The following KAZN variants were observed in gnomAD, a reference collection of about 807,000 sequenced individuals.
KAZN encodes the protein kazrin, periplakin interacting protein, also known as kazrin.
In KAZN, 40 loss-of-function variants were observed where a neutral mutation model predicts 87.4. The ratio of observed to expected loss-of-function variants is 0.46; its 90% CI spans 0.36 to 0.60. The LOEUF (loss-of-function observed/expected upper bound fraction) is 0.60. Ranked by LOEUF, KAZN falls within the 20% of genes least tolerant of loss-of-function variation. KAZN has a pLI of 0.00. For missense variants in KAZN, 898 were observed against 1,073.9 expected (o/e 0.84, Z 2.29); for synonymous variants, 466 against 458.3 (o/e 1.02, Z -0.22).
rs142178974 is a variant in KAZN at position 14,487,906 on chromosome 1, C to T, written c.250-111077C>T. On this transcript the variant is annotated intron_variant, in intron 2 of 16. Transcript: ENST00000636203. Reference sequence around the variant, plus strand: ...TCCAGAAGGAATGGGAGGCTTGGAACGGAGCAGTGATTCAGTTGGGATGTG... The same window carrying T: ...TCCAGAAGGAATGGGAGGCTTGGAATGGAGCAGTGATTCAGTTGGGATGTG... 5.3e-5 allele frequency among the ~76,000 whole-genome samples: 8 copies of T among 152,262 alleles called. No homozygotes were observed. In the East Asian group the frequency reaches 5.8e-4, roughly 11 times the overall value.
chr1:14,545,609 A>G (rs1023370478), intron 2 of KAZN, among the ~76,000 whole-genome samples: 4 of 152,216 alleles, frequency 2.6e-5, no homozygotes, highest in Non-Finnish European at 5.9e-5. Flanking sequence ...ATAAGCATGT[A>G]TCTGTCCGTA....
Position 14,457,699 on chromosome 1 carries a change from C to T in KAZN, c.250-141284C>T, listed in dbSNP as rs149397084. On this transcript the variant is annotated intron_variant, in intron 2 of 16. Transcript: ENST00000636203. Reference sequence around the variant, plus strand: ...TATAGATTAAGGAGGATTGTTATCACTATAAGATTAGTTCGGCCCAGCTAA... The same window carrying T: ...TATAGATTAAGGAGGATTGTTATCATTATAAGATTAGTTCGGCCCAGCTAA... Among the ~76,000 whole-genome samples the T allele has an allele frequency of 1.9e-3, 294 of 152,224 alleles. 1 individual carries two copies. Among genetic ancestry groups the T allele is most frequent in the African/African-American group, 6.4e-3 (266 of 41,540 alleles).
At chr1:14,258,932 C>T (rs1488922974) in intron 2 of KAZN, among the ~76,000 whole-genome samples, 1 of 152,102 alleles carries the variant, frequency 6.6e-6, no homozygotes, top group Non-Finnish European at 1.5e-5. Flanking sequence ...TTTGCAAAGT[C>T]CAAACAAAAG....
chr1:14,740,859 T>C (rs1644074532), intron 1 of KAZN, among the ~76,000 whole-genome samples: 1 of 152,192 alleles, frequency 6.6e-6, no homozygotes, highest in Non-Finnish European at 1.5e-5. Context: ...TTACTAACTG[T>C]AGGAATAACA....
intron 1 of KAZN, among the ~76,000 whole-genome samples, chr1:13,981,570 A>T (rs1638711366): frequency 6.6e-6 from 1 of 152,144 alleles, no homozygotes; most frequent in Admixed American, 6.5e-5. Flanking sequence ...TCCTGCAATT[A>T]CAGAGCTCTG....
intron 1 of KAZN, among the ~76,000 whole-genome samples, chr1:14,814,491 G>A (rs926281068): frequency 2.0e-5 from 3 of 152,226 alleles, no homozygotes; most frequent in African/African-American, 7.2e-5. Flanking sequence ...TGGGATTGCA[G>A]GCGTGAGCCA....
chr1:14,986,566 G>A (rs922115123), intron 2 of KAZN, among the ~76,000 whole-genome samples: 3 of 152,188 alleles, frequency 2.0e-5, no homozygotes, highest in South Asian at 2.1e-4. Context: ...CCTGAGCCAG[G>A]GCTGTGAAAG....
At chr1:13,999,150 C>T (rs1340793107) in intron 1 of KAZN, among the ~76,000 whole-genome samples, 2 of 152,094 alleles carry the variant, frequency 1.3e-5, no homozygotes, top group Non-Finnish European at 2.9e-5. Flanking sequence ...GAGTTTGAGA[C>T]CAGCCTGGCC....
At chr1:14,633,942 A>G (rs1284222597) in intron 1 of KAZN, among the ~76,000 whole-genome samples, 1 of 152,022 alleles carries the variant, frequency 6.6e-6, no homozygotes, top group East Asian at 1.9e-4. Flanking sequence ...AAATACCACA[A>G]TTGCTTACAA....
chr1:15,074,241 C>T (rs954932984), intron 8 of KAZN, among the ~76,000 whole-genome samples: 1 of 152,232 alleles, frequency 6.6e-6, no homozygotes, highest in African/African-American at 2.4e-5. Flanking sequence ...TTGGAGGGTC[C>T]CTCCCTGCCA....
chr1:14,964,763 A>G (rs543418921), intron 2 of KAZN, among the ~76,000 whole-genome samples: 1 of 152,340 alleles, frequency 6.6e-6, no homozygotes, highest in East Asian at 1.9e-4. Flanking sequence ...TCTCTCTCCA[A>G]CTAACTGCCC....
intron 1 of KAZN, among the ~76,000 whole-genome samples, chr1:14,011,690 C>G (rs1207549733): frequency 1.3e-5 from 2 of 152,112 alleles, no homozygotes; most frequent in Non-Finnish European, 2.9e-5. Context: ...GCTCTGTGAC[C>G]TTGGGCAAGT....
chr1:14,918,532 C>T (rs963039312), intron 1 of KAZN, among the ~76,000 whole-genome samples: 57 of 151,496 alleles, frequency 3.8e-4, no homozygotes, highest in Non-Finnish European at 5.2e-4. Context: ...AAAAATTAGC[C>T]GGACGTGGTA....
chr1:14,445,375 CG>C (rs1470204995), intron 2 of KAZN, among the ~76,000 whole-genome samples: 1 of 152,092 alleles, frequency 6.6e-6, no homozygotes, highest in Non-Finnish European at 1.5e-5. Context: ...CACATATGCT[CG>C]GGGAGATCAG....
At chr1:14,451,878 TG>T (rs1202520532) in intron 2 of KAZN, among the ~76,000 whole-genome samples, 1 of 152,198 alleles carries the variant, frequency 6.6e-6, no homozygotes, top group African/African-American at 2.4e-5. Flanking sequence ...TCAGCCTTTT[TG>T]TTCTGTTCAG....
intron 1 of KAZN, among the ~76,000 whole-genome samples, chr1:14,150,158 A>T (rs1456584548): frequency 6.6e-6 from 1 of 152,194 alleles, no homozygotes; most frequent in Admixed American, 6.5e-5. Context: ...GAGACGAAGG[A>T]CTTGCCAAAG....
At chr1:14,641,509 C>T (rs1680404079) in intron 1 of KAZN, among the ~76,000 whole-genome samples, 1 of 152,180 alleles carries the variant, frequency 6.6e-6, no homozygotes, top group African/African-American at 2.4e-5. Context: ...TCCGTCTCCC[C>T]ACCAGACCAT....
chr1:14,101,351 C>T (rs984425854), intron 1 of KAZN, among the ~76,000 whole-genome samples: 1 of 152,182 alleles, frequency 6.6e-6, no homozygotes, highest in Non-Finnish European at 1.5e-5. Context: ...CTTTGGATGA[C>T]GGTTTATAAG....
At chr1:14,685,186 G>C (rs1392764498) in intron 1 of KAZN, among the ~76,000 whole-genome samples, 3 of 152,226 alleles carry the variant, frequency 2.0e-5, no homozygotes, top group African/African-American at 7.2e-5. Flanking sequence ...ACTCAAGGGT[G>C]AGTTTCCATG....
Sources: gnomAD v4.1 joint callset for allele counts (sites outside exome capture counted in the v4.1 genomes callset) on GRCh38, gnomAD v4.1.1 for gene constraint, MANE v1.5 for transcripts, NCBI Gene and HGNC (gene_info 2026-07-23, HGNC 2026-07-21) for gene names.